The following MINDY4B variants were observed in gnomAD, a reference collection of about 807,000 sequenced individuals.
MINDY4B encodes the protein MINDY family member 4B, also known as inactive ubiquitin carboxyl-terminal hydrolase MINDY-4B.
In MINDY4B, 25 loss-of-function variants were observed where a neutral mutation model predicts 16.7. The ratio of observed to expected loss-of-function variants is 1.49; its 90% CI spans 1.09 to 2.09. The LOEUF is 2.09. MINDY4B is among the 30% of genes most tolerant of loss of function. The pLI, the probability that MINDY4B is intolerant of heterozygous loss-of-function variation, is 0.00. For missense variants in MINDY4B, 327 were observed against 168.4 expected (o/e 1.94, Z -5.21); for synonymous variants, 132 against 61.9 (o/e 2.13, Z -5.32).
intron 3 of MINDY4B, among the ~76,000 whole-genome samples, chr3:150,898,947 A>G (rs1317796259): frequency 6.6e-6 from 1 of 152,134 alleles, no homozygotes; most frequent in Non-Finnish European, 1.5e-5. Flanking sequence ...AATCCTCTTT[A>G]AAGCTCCTTC....
Position 150,905,393 on chromosome 3 carries a change from T to G in MINDY4B, c.47A>C (p.Asp16Ala), listed in dbSNP as rs1712215683. ...AATTTTCCTTGAGATCTCCTCTAAA[T>G]CCAGCTGTTCGGAGCTTTGTTCCTG... Reference protein sequence around the residue: ...LGQEQSSEQLDLEEISRKISF... With the variant: ...LGQEQSSEQLALEEISRKISF... Residue 16 changes from aspartate to alanine, a missense_variant, in exon 1 of 12, where the codon GAT (aspartate) becomes GCT (alanine). By Grantham distance (126) the Asp-to-Ala change is moderately radical (BLOSUM62 -2). Transcript: ENST00000465419. The G allele has an allele frequency of 2.0e-5, 8 of 398,512 alleles. No individual in the cohort carries two copies. Among genetic ancestry groups the G allele is most frequent in the Non-Finnish European group, 3.5e-5 (8 of 225,990 alleles). 24.7% of individuals were successfully genotyped at this position (398,512 alleles called of 1,614,324 possible).
At chr3:150,900,106 C>T (rs1035564792) in intron 3 of MINDY4B, among the ~76,000 whole-genome samples, 3 of 152,128 alleles carry the variant, frequency 2.0e-5, no homozygotes, top group African/African-American at 4.8e-5. Flanking sequence ...AGCCTGGAGG[C>T]GATGCTCACC....
In MINDY4B at chr3:150,883,900, T is replaced by C. The variant is rs991077196; in HGVS notation, c.825-128A>G. On this transcript the variant is annotated intron_variant, in intron 8 of 11. Transcript: ENST00000465419. Reference sequence around the variant, plus strand: ...CCTAGTCACTGTTTCTCACTTGCACTTTTCCATCTCTCACAGGGAAAGCCT... The same window carrying C: ...CCTAGTCACTGTTTCTCACTTGCACCTTTCCATCTCTCACAGGGAAAGCCT... 6.5e-6 allele frequency: 4 copies of C among 615,880 alleles called. No homozygotes were observed. The African/African-American group carries it at 7.3e-5, about 11-fold the overall frequency. The allele number at this position is 615,880 out of a possible 1,614,324, so 38.2% of individuals were successfully genotyped here.
At chr3:150,875,138 C>G (rs1001459179) in intron 10 of MINDY4B, among the ~76,000 whole-genome samples, 1 of 152,196 alleles carries the variant, frequency 6.6e-6, no homozygotes, top group African/African-American at 2.4e-5. Context: ...AGAAATAAAA[C>G]AGTGAAGATG....
At chr3:150,887,866 TG>T (rs1180408980) in intron 7 of MINDY4B, among the ~76,000 whole-genome samples, 5 of 152,036 alleles carry the variant, frequency 3.3e-5, no homozygotes, top group Non-Finnish European at 7.4e-5. Context: ...CCCAGCACTT[TG>T]GGAGGTTGAG....
At chr3:150,895,159 C>T (rs902726564) in intron 3 of MINDY4B, among the ~76,000 whole-genome samples, 9 of 152,148 alleles carry the variant, frequency 5.9e-5, no homozygotes, top group African/African-American at 2.2e-4. Flanking sequence ...TATTATCCAG[C>T]TTTTATCCAG....
chr3:150,897,764 T>C (rs189779063), intron 3 of MINDY4B, among the ~76,000 whole-genome samples: 2 of 152,314 alleles, frequency 1.3e-5, no homozygotes, highest in Admixed American at 6.5e-5. Flanking sequence ...GAAGAAAAAC[T>C]ATGTGTTCTC....
intron 7 of MINDY4B, among the ~76,000 whole-genome samples, chr3:150,888,618 G>A (rs1711691682): frequency 6.6e-6 from 1 of 152,196 alleles, no homozygotes; most frequent in African/African-American, 2.4e-5. Context: ...TGAGGTCCTT[G>A]AGAGGAATAT....
intron 10 of MINDY4B, among the ~76,000 whole-genome samples, chr3:150,879,684 T>G (rs1396884498): frequency 1.3e-5 from 2 of 152,156 alleles, no homozygotes; most frequent in Non-Finnish European, 2.9e-5. Context: ...ACTAGAGCAT[T>G]AAACAAAGTA....
At chr3:150,889,475 C>T (rs1435998690) in intron 7 of MINDY4B, among the ~76,000 whole-genome samples, 1 of 152,226 alleles carries the variant, frequency 6.6e-6, no homozygotes, top group Non-Finnish European at 1.5e-5. Flanking sequence ...CAGGATCCTT[C>T]CCCTATTTTA....
In MINDY4B at chr3:150,879,316, A is replaced by G. The variant is rs567143412; in HGVS notation, c.1059+3581T>C. 4.6e-5 allele frequency among the ~76,000 whole-genome samples: 7 copies of G among 152,114 alleles called. No homozygotes were observed. In the South Asian group the frequency reaches 1.5e-3, roughly 32 times the overall value. ...CAGGGGAGCATTTTTAAATGTCTGG[A>G]GACATTTTTATTGCCACACTGGGGC... is the stretch of plus-strand genomic sequence containing the variant. On this transcript the variant is annotated intron_variant, in intron 10 of 11. Transcript: ENST00000465419.
chr3:150,883,455 G>T (rs1711557174), intron 9 of MINDY4B, among the ~76,000 whole-genome samples: 1 of 152,188 alleles, frequency 6.6e-6, no homozygotes, highest in Non-Finnish European at 1.5e-5. Context: ...GAGATGAAAG[G>T]CTCTCGGAGG....
chr3:150,887,333 A>T (rs1046927803), intron 7 of MINDY4B, among the ~76,000 whole-genome samples: 13 of 152,232 alleles, frequency 8.5e-5, no homozygotes, highest in Non-Finnish European at 1.6e-4. Flanking sequence ...GCAATTTAAA[A>T]TGTATGAATT....
In MINDY4B at chr3:150,883,723, C is replaced by G; in HGVS notation, c.874G>C (p.Ala292Pro). The change falls in exon 9 of 12, where the codon GCT becomes CCT. Residue 292 changes from alanine (A) to proline (P), a missense_variant. By Grantham distance (27) the Ala-to-Pro change is conservative. Coordinates refer to ENST00000465419, the MANE Select transcript of MINDY4B (RefSeq NM_001351281.2). ...VTTTQLLQPN[A>P]GGFLCRQAVL... ...ACCTGCCTGCACAGAAAGCCTCCAG[C>G]ATTTGGTTGTAGCAGCTGAGTGGTG... 1 of 702,792 alleles carries G rather than the reference C, an allele frequency of 1.4e-6. No individual in the cohort carries two copies. The highest frequency in any genetic ancestry group is 2.6e-6 in the Non-Finnish European group (1 of 384,836). 43.5% of individuals were successfully genotyped at this position (702,792 alleles called of 1,614,324 possible).
At chr3:150,888,499 G>A (rs1171876705) in intron 7 of MINDY4B, among the ~76,000 whole-genome samples, 2 of 152,152 alleles carry the variant, frequency 1.3e-5, no homozygotes, top group African/African-American at 4.8e-5. Context: ...TCCATCTTGA[G>A]ATCTCTGCCA....
At chr3:150,895,734 G>A (rs189804992) in intron 3 of MINDY4B, among the ~76,000 whole-genome samples, 20 of 152,206 alleles carry the variant, frequency 1.3e-4, no homozygotes, top group Admixed American at 9.8e-4. Flanking sequence ...CAAAGTGCTG[G>A]GATTACAGGC....
chr3:150,894,164 A>G (rs1344302676), intron 4 of MINDY4B, 22 bp downstream of exon 4: 3 of 672,678 alleles, frequency 4.5e-6, no homozygotes, highest in Non-Finnish European at 8.0e-6. Flanking sequence ...AGGTTTTTTA[A>G]AAATTATAAA....
chr3:150,872,425 A>G (rs1191045821), intron 11 of MINDY4B, among the ~76,000 whole-genome samples: 1 of 152,258 alleles, frequency 6.6e-6, no homozygotes, highest in Non-Finnish European at 1.5e-5. Flanking sequence ...TGCTCCATAA[A>G]TACAGCTAAG....
In MINDY4B at chr3:150,871,246, C is replaced by A. The variant is rs1716958963; in HGVS notation, c.1241-59G>T. ...CCTATGAACACCATTCCAGAGGAAA[C>A]CACTAAAGAAGGACAGAAGGGTGGG... On this transcript the variant is annotated intron_variant, in intron 11 of 11. Coordinates refer to ENST00000465419, the MANE Select transcript of MINDY4B (RefSeq NM_001351281.2). 2.6e-5 allele frequency: 18 copies of A among 679,842 alleles called. No homozygotes were observed. In the East Asian group the frequency reaches 4.8e-4, roughly 18 times the overall value. The allele number at this position is 679,842 out of a possible 1,614,324, so 42.1% of individuals were successfully genotyped here.
Sources: allele counts gnomAD v4.1 joint callset (sites outside exome capture counted in the v4.1 genomes callset), GRCh38; gene constraint gnomAD v4.1.1; transcripts MANE v1.5; gene names NCBI Gene and HGNC (gene_info 2026-07-23, HGNC 2026-07-21).